Variants in SLC25A12 observed in about 807,000 individuals in gnomAD.
The protein encoded by SLC25A12 is solute carrier family 25 member 12.
A neutral mutation model predicts 83.3 loss-of-function variants in SLC25A12; 32 were observed. The observed-to-expected ratio is 0.38, with a 90% CI of 0.29 to 0.52. The LOEUF is 0.52. Among genes scored for constraint, SLC25A12 ranks in the 20% least tolerant of loss-of-function variants. The pLI, the probability that SLC25A12 is intolerant of heterozygous loss-of-function variation, is 0.84. For synonymous variants in SLC25A12, 267 were observed against 291.1 expected (o/e 0.92, Z 0.84); for missense variants, 611 against 835.6 (o/e 0.73, Z 3.31).
intron 2 of SLC25A12, among the ~76,000 whole-genome samples, chr2:171,875,526 A>G (rs1685545455): frequency 6.6e-6 from 1 of 152,122 alleles, no homozygotes. Flanking sequence ...GCAAGGGGTG[A>G]AAAAATTCCT....
intron 9 of SLC25A12, among the ~76,000 whole-genome samples, chr2:171,815,503 T>G (rs1015954294): frequency 1.2e-4 from 19 of 152,202 alleles, no homozygotes; most frequent in African/African-American, 3.6e-4. Context: ...TCTGCTACTG[T>G]TGGGGGAATA....
chr2:171,889,007 A>AT (rs1275094695), intron 2 of SLC25A12, among the ~76,000 whole-genome samples: 1 of 152,162 alleles, frequency 6.6e-6, no homozygotes, highest in African/African-American at 2.4e-5. Context: ...AATAATCTAC[A>AT]TTTTAACCTT....
intron 2 of SLC25A12, among the ~76,000 whole-genome samples, chr2:171,890,661 T>C (rs1685912303): frequency 6.6e-6 from 1 of 152,142 alleles, no homozygotes; most frequent in African/African-American, 2.4e-5. Context: ...TTTAAAATTT[T>C]TTGCAGAGAC....
chr2:171,868,343 C>T (rs138703598), intron 3 of SLC25A12, among the ~76,000 whole-genome samples: 1,303 of 105,590 alleles, frequency 0.012, 16 homozygotes, highest in African/African-American at 0.042. Context: ...GACAGAGTTT[C>T]GCTCTGGTTG....
chr2:171,795,164 T>C (rs538298701), intron 13 of SLC25A12, among the ~76,000 whole-genome samples: 99 of 152,334 alleles, frequency 6.5e-4, no homozygotes, highest in Middle Eastern at 6.8e-3. Flanking sequence ...AGGGCCTTAA[T>C]CCCCTCTTTG....
chr2:171,885,105 C>T (rs556574440), intron 2 of SLC25A12, among the ~76,000 whole-genome samples: 3 of 148,288 alleles, frequency 2.0e-5, no homozygotes, highest in Non-Finnish European at 4.4e-5. Flanking sequence ...CCCAGCTACT[C>T]GGGAGGCTGA....
At chr2:171,871,512 G>A (rs1031460524) in intron 2 of SLC25A12, among the ~76,000 whole-genome samples, 1 of 152,134 alleles carries the variant, frequency 6.6e-6, no homozygotes, top group African/African-American at 2.4e-5. Flanking sequence ...AGTAGAGACG[G>A]GTTTCACCGT....
At chr2:171,834,212 C>A in intron 7 of SLC25A12, 156 bp from the exon 8 acceptor site, 1 of 588,882 alleles carries the variant, frequency 1.7e-6, no homozygotes. Context: ...TTCAACTATA[C>A]AAGAATATGC....
At chr2:171,866,939 T>G (rs1280394272) in intron 3 of SLC25A12, among the ~76,000 whole-genome samples, 7 of 126,790 alleles carry the variant, frequency 5.5e-5, no homozygotes, top group South Asian at 2.6e-4. Context: ...AGGCGGAGGG[T>G]CTCCTCACTT....
chr2:171,821,017 C>CT (rs869070730), intron 9 of SLC25A12, among the ~76,000 whole-genome samples: 692 of 48,640 alleles, frequency 0.014, 153 homozygotes, highest in African/African-American at 0.037. Context: ...TATAAACATT[C>CT]TTTTTTTTTT....
intron 2 of SLC25A12, among the ~76,000 whole-genome samples, chr2:171,883,517 G>C (rs957251976): frequency 1.3e-5 from 2 of 152,190 alleles, no homozygotes; most frequent in Non-Finnish European, 2.9e-5. Flanking sequence ...TAAATTGAAA[G>C]AATCGGCCAG....
intron 13 of SLC25A12, among the ~76,000 whole-genome samples, chr2:171,806,234 T>A (rs748493378): frequency 6.6e-6 from 1 of 152,094 alleles, no homozygotes; most frequent in Non-Finnish European, 1.5e-5. Flanking sequence ...CCGAGGCCGG[T>A]GGATCACCTG....
chr2:171,886,660 C>T (rs912102307), intron 2 of SLC25A12, among the ~76,000 whole-genome samples: 3 of 151,964 alleles, frequency 2.0e-5, no homozygotes, highest in African/African-American at 4.8e-5. Flanking sequence ...CAGGCACCCG[C>T]CACCATGCCC....
At chr2:171,833,270 G>C (rs1303239010) in intron 8 of SLC25A12, among the ~76,000 whole-genome samples, 1 of 152,174 alleles carries the variant, frequency 6.6e-6, no homozygotes, top group Non-Finnish European at 1.5e-5. Context: ...AGTAGTTACA[G>C]AAGAAAGACT....
Position 171,787,659 on chromosome 2 carries a change from G to A in SLC25A12, c.1747C>T (p.Arg583Ter). 1.9e-6 allele frequency: 3 copies of A among 1,613,880 alleles called. No homozygotes were observed. The highest frequency in any genetic ancestry group is 1.7e-6 in the Non-Finnish European group (2 of 1,179,786). ...PSAFWKGTAA[R>*]VFRSSPQFGV... ...AACTGGGGAGAGGATCGAAACACTCGAGCTGAAAAAGAGAAGCAGGGGCAG... is the reference window on the plus strand; with the variant it reads ...AACTGGGGAGAGGATCGAAACACTCAAGCTGAAAAAGAGAAGCAGGGGCAG... The change falls in exon 17 of 18, where the codon CGA becomes TGA. Residue 583 changes from arginine to a stop codon, truncating the protein, a stop_gained and splice_region_variant. Transcript: ENST00000422440. LOFTEE classifies it high-confidence loss of function.
chr2:171,863,287 A>T (rs1685205935), intron 3 of SLC25A12, among the ~76,000 whole-genome samples: 1 of 152,196 alleles, frequency 6.6e-6, no homozygotes, highest in Admixed American at 6.5e-5. Flanking sequence ...GCTCTTTGGG[A>T]GACCGAGGCG....
chr2:171,820,653 G>A (rs1402637599), intron 9 of SLC25A12, among the ~76,000 whole-genome samples: 4 of 143,268 alleles, frequency 2.8e-5, no homozygotes, highest in African/African-American at 1.0e-4. Flanking sequence ...GCGTGAACCC[G>A]GGAGGCGGAG....
intron 2 of SLC25A12, 102 bp downstream of exon 2, chr2:171,893,103 C>A: frequency 2.2e-6 from 2 of 906,470 alleles, no homozygotes; most frequent in Admixed American, 2.0e-5. Context: ...TGAAAGAATA[C>A]ATGAAAACTG....
At chr2:171,859,219 A>G (rs1176106207) in intron 3 of SLC25A12, among the ~76,000 whole-genome samples, 2 of 152,228 alleles carry the variant, frequency 1.3e-5, no homozygotes, top group Non-Finnish European at 2.9e-5. Context: ...CCATCCCTCA[A>G]TACTCAGTTA....
Sources: allele counts gnomAD v4.1 joint callset (sites outside exome capture counted in the v4.1 genomes callset), GRCh38; gene constraint gnomAD v4.1.1; transcripts MANE v1.5; gene names NCBI Gene and HGNC (gene_info 2026-07-23, HGNC 2026-07-21).